The following MATN3 variants were observed in gnomAD, a reference collection of about 807,000 sequenced individuals.
MATN3 encodes the protein matrilin-3.
A neutral mutation model predicts 45.3 loss-of-function variants in MATN3; 48 were observed. The ratio of observed to expected loss-of-function variants is 1.06; its 90% CI spans 0.84 to 1.35. The LOEUF (loss-of-function observed/expected upper bound fraction) is 1.35, where lower values mean the gene tolerates loss of function less well. Ranked by LOEUF, MATN3 falls within the 40% of genes most tolerant of loss-of-function variation. MATN3 has a pLI of 0.00. For missense variants in MATN3, 599 were observed against 628.0 expected (o/e 0.95, Z 0.49); for synonymous variants, 217 against 245.9 (o/e 0.88, Z 1.10).
chr2:20,004,731 G>T (rs1673063020), intron 2 of MATN3, among the ~76,000 whole-genome samples: 3 of 152,202 alleles, frequency 2.0e-5, no homozygotes, highest in Admixed American at 1.3e-4. Flanking sequence ...GTTACTTAAT[G>T]GTATGGAGGG....
intron 2 of MATN3, chr2:20,004,273 T>A (rs1304716354): frequency 6.6e-6 from 1 of 152,222 alleles, no homozygotes; most frequent in Non-Finnish European, 1.5e-5. Flanking sequence ...AGGTCTTTTG[T>A]ACCAGAAGGA....
intron 5 of MATN3, chr2:19,999,388 T>G (rs1258555225): frequency 6.6e-6 from 1 of 152,498 alleles, no homozygotes; most frequent in African/African-American, 2.4e-5. Context: ...ACCTTCACCC[T>G]CCTTCAAGGC....
intron 1 of MATN3, among the ~76,000 whole-genome samples, chr2:20,008,031 T>C (rs1173004704): frequency 6.6e-6 from 1 of 152,168 alleles, no homozygotes; most frequent in Non-Finnish European, 1.5e-5. Context: ...GGTGCAATCT[T>C]GGCTCACTGC....
chr2:20,008,271 C>G (rs923162028), intron 1 of MATN3, among the ~76,000 whole-genome samples: 1 of 152,088 alleles, frequency 6.6e-6, no homozygotes, highest in Non-Finnish European at 1.5e-5. Flanking sequence ...CCCTAAACTT[C>G]TTTTTCAAGT....
chr2:20,008,869 C>T (rs1049109411), intron 1 of MATN3, among the ~76,000 whole-genome samples: 2 of 152,094 alleles, frequency 1.3e-5, no homozygotes, highest in Non-Finnish European at 2.9e-5. Flanking sequence ...AGTAAACATC[C>T]TGCTTGTTGA....
At chr2:19,994,880 G>A (rs193239481) in intron 6 of MATN3, among the ~76,000 whole-genome samples, 78 of 152,226 alleles carry the variant, frequency 5.1e-4, no homozygotes, top group African/African-American at 1.9e-3. Flanking sequence ...CTTGAGGCCA[G>A]GAGTTCAAGA....
rs1252547882 is a variant in MATN3 at position 19,995,799 on chromosome 2, C to G, written c.1294+1335G>C. ...GAGGACAGGAAATGGTCCTTTGCTGCAACATTTTTACTCTTAACATTTTAC... is the reference window on the plus strand; with the variant it reads ...GAGGACAGGAAATGGTCCTTTGCTGGAACATTTTTACTCTTAACATTTTAC... On this transcript the variant is annotated intron_variant, in intron 6 of 7. Coordinates refer to ENST00000407540, the MANE Select transcript of MATN3 (RefSeq NM_002381.5). This position sits in a 1 kb window ranked among gnomAD's most constrained non-coding sequence, Gnocchi z 4.2. Among the ~76,000 whole-genome samples the G allele has an allele frequency of 6.6e-6, 1 of 152,136 alleles. No individual in the cohort carries two copies. The highest frequency in any genetic ancestry group is 1.5e-5 in the Non-Finnish European group (1 of 68,022).
Position 19,993,208 on chromosome 2 carries a change from T to G in MATN3, c.1406-42A>C, listed in dbSNP as rs755810908. 7 of 1,407,732 alleles carry G rather than the reference T, an allele frequency of 5.0e-6. No homozygotes were observed. The South Asian group carries it at 7.0e-5, about 14-fold the overall frequency. 87.2% of individuals were successfully genotyped at this position (1,407,732 alleles called of 1,614,324 possible). ...GCCAACACCATTTATTTTTACACAT[T>G]AGAAAATATAAACACACTTTCAAAC... On this transcript the variant is annotated intron_variant, in intron 7 of 7. Transcript: ENST00000407540.
At chr2:20,003,340 T>C in intron 2 of MATN3, 54 bp from the exon 3 acceptor site, 1 of 1,516,086 alleles carries the variant, frequency 6.6e-7, no homozygotes, top group Non-Finnish European at 8.9e-7. Context: ...ACATCTCAGA[T>C]ACCGTCTCCC....
chr2:20,008,460 C>A (rs1046666032), intron 1 of MATN3, among the ~76,000 whole-genome samples: 4 of 152,176 alleles, frequency 2.6e-5, no homozygotes, highest in African/African-American at 9.7e-5. Flanking sequence ...CTAGACTAAG[C>A]AGTTTATAGA....
Position 19,992,901 on chromosome 2 carries a change from C to G in MATN3, c.*210G>C. On this transcript the variant is annotated 3_prime_UTR_variant, in exon 8 of 8. Transcript: ENST00000407540. Reference sequence around the variant, plus strand: ...TAACTTAGAGACACTAAAGTTTGCTCTTAATAAGTATCTGCATATGTATTT... The same window carrying G: ...TAACTTAGAGACACTAAAGTTTGCTGTTAATAAGTATCTGCATATGTATTT... The G allele has an allele frequency of 3.7e-6, 2 of 540,546 alleles. No homozygotes were observed. Among genetic ancestry groups the G allele is most frequent in the Non-Finnish European group, 6.4e-6 (2 of 310,126 alleles). The allele number at this position is 540,546 out of a possible 1,614,324, so 33.5% of individuals were successfully genotyped here. A position where few individuals can be genotyped will look rare whatever the true frequency, so the allele number is the denominator to read the frequency against.
At chr2:20,000,327 A>C in intron 5 of MATN3, 114 bp downstream of exon 5, 2 of 898,430 alleles carry the variant, frequency 2.2e-6, no homozygotes, top group Non-Finnish European at 1.7e-6. Flanking sequence ...AAAGTGTGAT[A>C]GAATGTCTGA....
At chr2:20,002,132 A>G (rs1352563666) in intron 3 of MATN3, 52 bp from the exon 4 acceptor site, 2 of 1,542,314 alleles carry the variant, frequency 1.3e-6, no homozygotes, top group Non-Finnish European at 1.8e-6. Context: ...CATGGCAGAA[A>G]TAATTGTGGG....
At chr2:19,998,170 A>G (rs1672915784) in intron 5 of MATN3, among the ~76,000 whole-genome samples, 1 of 152,228 alleles carries the variant, frequency 6.6e-6, no homozygotes, top group Admixed American at 6.5e-5. Context: ...ATCTATACAT[A>G]AAGTGCCTTT....
rs944801610 is a variant in MATN3, at chr2:19,995,757, G to A, written c.1295-1348C>T. ...AAGACTGGTGTATCATCTTCCAATGGAGTAATTCTATTGCCTGAGGACAGG... is the reference window on the plus strand; with the variant it reads ...AAGACTGGTGTATCATCTTCCAATGAAGTAATTCTATTGCCTGAGGACAGG... On this transcript the variant is annotated intron_variant, in intron 6 of 7. Coordinates refer to ENST00000407540, the MANE Select transcript of MATN3 (RefSeq NM_002381.5). This position sits in a 1 kb window ranked among gnomAD's most constrained non-coding sequence, Gnocchi z 4.2. Among the ~76,000 whole-genome samples, 2 of 152,154 alleles carry A rather than the reference G, an allele frequency of 1.3e-5. No homozygotes were observed. The highest frequency in any genetic ancestry group is 4.8e-5 in the African/African-American group (2 of 41,428).
intron 1 of MATN3, among the ~76,000 whole-genome samples, chr2:20,010,632 A>G (rs999586569): frequency 6.6e-6 from 1 of 152,222 alleles, no homozygotes; most frequent in Non-Finnish European, 1.5e-5. Flanking sequence ...GAAAAAGGCC[A>G]TAAGCCAAGG....
At chr2:19,999,811 T>C (rs902715779) in intron 5 of MATN3, among the ~76,000 whole-genome samples, 3 of 152,092 alleles carry the variant, frequency 2.0e-5, no homozygotes, top group East Asian at 1.9e-4. Context: ...TGTTTTTACA[T>C]TTATAAATGC....
intron 6 of MATN3, 126 bp downstream of exon 6, chr2:19,997,008 G>T: frequency 2.1e-6 from 2 of 941,636 alleles, no homozygotes; most frequent in African/African-American, 1.7e-5. Flanking sequence ...CTGTAGACCA[G>T]TGGGAGCCAC....
rs935504352 is a variant in MATN3 at position 20,000,292 on chromosome 2, T to C, written c.1168+149A>G. 3 of 658,034 alleles carry C rather than the reference T, an allele frequency of 4.6e-6. No individual in the cohort carries two copies. In the South Asian group the frequency reaches 6.9e-5, roughly 15 times the overall value. The allele number at this position is 658,034 out of a possible 1,614,324, so 40.8% of individuals were successfully genotyped here. A position where few individuals can be genotyped will look rare whatever the true frequency, so the allele number is the denominator to read the frequency against. On this transcript the variant is annotated intron_variant, in intron 5 of 7. Coordinates refer to ENST00000407540, the MANE Select transcript of MATN3 (RefSeq NM_002381.5). Reference sequence around the variant, plus strand: ...GTTTGCTCCAGTGAGCTCACCACCCTCTGAGCAATGTGTGCCTTCATCTAA... The same window carrying C: ...GTTTGCTCCAGTGAGCTCACCACCCCCTGAGCAATGTGTGCCTTCATCTAA...
Sources: gnomAD v4.1 joint callset for allele counts (sites outside exome capture counted in the v4.1 genomes callset) on GRCh38, gnomAD v4.1.1 for gene constraint, Gnocchi (gnomAD v3.1) non-coding constraint, MANE v1.5 for transcripts, NCBI Gene and HGNC (gene_info 2026-07-23, HGNC 2026-07-21) for gene names.